Variants in ZNF407 observed in about 807,000 individuals in gnomAD.
ZNF407 encodes the protein zinc finger protein 407.
In ZNF407, 17 loss-of-function variants were observed where a neutral mutation model predicts 131.2. That is an observed-to-expected ratio of 0.13 (90% CI 0.09 to 0.19). ZNF407 has a LOEUF of 0.19. Among genes scored for constraint, ZNF407 ranks in the 10% least tolerant of loss-of-function variants. ZNF407 has a pLI of 1.00. For synonymous variants in ZNF407, 1,156 were observed against 1,062.0 expected (o/e 1.09, Z -1.72); for missense variants, 2,681 against 2,830.6 (o/e 0.95, Z 1.20).
In ZNF407 at chr18:74,632,760, C is replaced by T. The variant is rs746606724; in HGVS notation, c.1741C>T (p.His581Tyr). 6.2e-6 allele frequency: 10 copies of T among 1,613,874 alleles called. No homozygotes were observed. The African/African-American group carries it at 6.7e-5, about 11-fold the overall frequency. ...AGATGAACATTTGCACAGTAACCAG[C>T]ATCAGCAAACTGCTTCTGTCCTGAG... ...DLDEHLHSNQ[H>Y]QQTASVLSCQ... Residue 581 changes from histidine (H) to tyrosine (Y), a missense_variant, in exon 2 of 9, where the codon CAT (histidine) becomes TAT (tyrosine). Transcript: ENST00000299687.
At chr18:74,967,932 C>T (rs1194403539) in intron 8 of ZNF407, among the ~76,000 whole-genome samples, 1 of 152,180 alleles carries the variant, frequency 6.6e-6, no homozygotes, top group Non-Finnish European at 1.5e-5. Context: ...ATTTTATTGT[C>T]TTTCCCAGGG....
intron 3 of ZNF407, among the ~76,000 whole-genome samples, chr18:74,777,341 A>T (rs1272574607): frequency 1.3e-5 from 2 of 152,128 alleles, no homozygotes; most frequent in Non-Finnish European, 2.9e-5. Flanking sequence ...TCAATATTTT[A>T]AAAACAGTAT....
At chr18:74,838,322 A>C (rs1486601097) in intron 4 of ZNF407, among the ~76,000 whole-genome samples, 1 of 152,184 alleles carries the variant, frequency 6.6e-6, no homozygotes. Flanking sequence ...TGAGGACCTC[A>C]TGCCACTGAA....
chr18:74,942,665 G>A (rs948705161), intron 8 of ZNF407, among the ~76,000 whole-genome samples: 19 of 152,152 alleles, frequency 1.2e-4, no homozygotes, highest in Admixed American at 3.3e-4. Context: ...TCCACGGGGC[G>A]GCTGGAGCCC....
intron 3 of ZNF407, among the ~76,000 whole-genome samples, 164 bp from the exon 4 acceptor site, chr18:74,781,264 C>T (rs926331346): frequency 2.0e-5 from 3 of 152,126 alleles, no homozygotes; most frequent in African/African-American, 7.2e-5. Flanking sequence ...TGAAGTCCTA[C>T]AGTATATTTA....
chr18:74,783,116 C>A (rs964008044), intron 4 of ZNF407, among the ~76,000 whole-genome samples: 1 of 152,138 alleles, frequency 6.6e-6, no homozygotes, highest in Non-Finnish European at 1.5e-5. Context: ...GTTTTCATTG[C>A]TTTCACATGC....
chr18:74,678,540 G>A (rs1267904217), intron 3 of ZNF407, among the ~76,000 whole-genome samples: 4 of 152,180 alleles, frequency 2.6e-5, no homozygotes, highest in African/African-American at 9.7e-5. Context: ...GAAAAAGGCA[G>A]TTCAAACGTC....
At chr18:74,702,625 G>A (rs1276323519) in intron 3 of ZNF407, among the ~76,000 whole-genome samples, 1 of 152,054 alleles carries the variant, frequency 6.6e-6, no homozygotes, top group Non-Finnish European at 1.5e-5. Context: ...ATTGTTTCCA[G>A]TGCATGTAAA....
chr18:74,710,696 A>C (rs1967738139), intron 3 of ZNF407, among the ~76,000 whole-genome samples: 1 of 152,212 alleles, frequency 6.6e-6, no homozygotes, highest in African/African-American at 2.4e-5. Flanking sequence ...GATAATAAGA[A>C]TGCTTTTTTT....
intron 7 of ZNF407, among the ~76,000 whole-genome samples, chr18:74,916,471 T>G (rs1971765587): frequency 7.8e-6 from 1 of 127,548 alleles, no homozygotes; most frequent in Non-Finnish European, 1.6e-5. Flanking sequence ...CAGCATTGGT[T>G]CGAATTGGGA....
rs1248884212 is a variant in ZNF407, at chr18:74,977,491, C to T, written c.5428+56799C>T. Among the ~76,000 whole-genome samples, 4 of 152,204 alleles carry T rather than the reference C, an allele frequency of 2.6e-5. No individual in the cohort carries two copies. The South Asian group carries it at 6.2e-4, about 24-fold the overall frequency. ...GATGTTTAGTAGCCTATCTCACACA[C>T]GTTTTCACATCAAAGATGGCTCATT... On this transcript the variant is annotated intron_variant, in intron 8 of 8. Transcript: ENST00000299687.
rs757628677 is a variant in ZNF407 at position 74,773,213 on chromosome 18, G to A, written c.4803-8215G>A. ...ACCCTTAGAGGATAAGATGAGGAAC[G>A]AGAATCGACAATAGTATGAAAGAGG... is the stretch of plus-strand genomic sequence containing the variant. On this transcript the variant is annotated intron_variant, in intron 3 of 8. Coordinates refer to ENST00000299687, the MANE Select transcript of ZNF407 (RefSeq NM_017757.3). Among the ~76,000 whole-genome samples, 86 of 152,270 alleles carry A rather than the reference G, an allele frequency of 5.6e-4. 1 individual carries two copies. The Middle Eastern group carries it at 0.01, about 18-fold the overall frequency.
intron 3 of ZNF407, among the ~76,000 whole-genome samples, chr18:74,652,594 C>CT (rs1456635940): frequency 3.9e-5 from 6 of 151,950 alleles, no homozygotes; most frequent in African/African-American, 1.4e-4. Flanking sequence ...TTATGTTACT[C>CT]TAACACTTCT....
chr18:74,849,653 G>C (rs1970753820), intron 4 of ZNF407, among the ~76,000 whole-genome samples: 1 of 152,128 alleles, frequency 6.6e-6, no homozygotes, highest in African/African-American at 2.4e-5. Context: ...GTGCATTCCT[G>C]CCTACACCTG....
intron 3 of ZNF407, among the ~76,000 whole-genome samples, chr18:74,712,147 G>C (rs1449658703): frequency 6.6e-6 from 1 of 152,180 alleles, no homozygotes; most frequent in African/African-American, 2.4e-5. Flanking sequence ...TCAGGAGTTG[G>C]TGTTCTGGGA....
chr18:74,939,078 A>G (rs942588972), intron 8 of ZNF407, among the ~76,000 whole-genome samples: 1 of 152,246 alleles, frequency 6.6e-6, no homozygotes, highest in South Asian at 2.1e-4. Context: ...GTAATAAAGT[A>G]TCTTAAATTC....
intron 4 of ZNF407, among the ~76,000 whole-genome samples, chr18:74,853,139 A>G (rs1054477269): frequency 2.0e-5 from 3 of 152,192 alleles, no homozygotes; most frequent in African/African-American, 7.2e-5. Flanking sequence ...CATCTTTGCT[A>G]CACTAGATTA....
At chr18:74,896,896 G>T (rs191271222) in intron 7 of ZNF407, among the ~76,000 whole-genome samples, 212 of 152,284 alleles carry the variant, frequency 1.4e-3, no homozygotes, top group Non-Finnish European at 2.6e-3. Flanking sequence ...AGCAGAACTT[G>T]AGTTCTTCCT....
intron 8 of ZNF407, among the ~76,000 whole-genome samples, chr18:74,982,822 T>A (rs1446457683): frequency 2.6e-5 from 4 of 152,248 alleles, no homozygotes; most frequent in Non-Finnish European, 5.9e-5. Flanking sequence ...TTATCACTGA[T>A]AGGTCTTGTC....
Sources: allele counts gnomAD v4.1 joint callset (sites outside exome capture counted in the v4.1 genomes callset), GRCh38; gene constraint gnomAD v4.1.1; transcripts MANE v1.5; gene names NCBI Gene and HGNC (gene_info 2026-07-23, HGNC 2026-07-21).